HIRIP3: variants seen among roughly 807,000 people sequenced by gnomAD.
HIRIP3 encodes HIRA-interacting protein 3.
A neutral mutation model predicts 50.3 loss-of-function variants in HIRIP3; 40 were observed. The ratio of observed to expected loss-of-function variants is 0.79; its 90% CI spans 0.62 to 1.03. HIRIP3 has a LOEUF of 1.03. Ranked by LOEUF, HIRIP3 falls within the 50% of genes least tolerant of loss-of-function variation. HIRIP3 has a pLI of 0.00. For synonymous variants in HIRIP3, 318 were observed against 261.6 expected, an observed-to-expected ratio of 1.22 and a Z score of -2.08; for missense variants, 765 against 705.4, an observed-to-expected ratio of 1.08 and a Z score of -0.96.
intron 3 of HIRIP3, 54 bp from the exon 4 acceptor site, chr16:29,994,897 C>T (rs780013742): frequency 6.5e-7 from 1 of 1,538,220 alleles, no homozygotes; most frequent in Non-Finnish European, 8.7e-7. Flanking sequence ...TCCCTTCTCC[C>T]TTCACTTCGG....
At position 29,993,218 on chromosome 16, in the gene HIRIP3, C is replaced by G; in HGVS notation, c.1660G>C (p.Glu554Gln). The G allele has an allele frequency of 6.3e-7, 1 of 1,592,610 alleles. No homozygotes were observed. The highest frequency in any genetic ancestry group is 8.6e-7 in the Non-Finnish European group (1 of 1,168,830). Residue 554 changes from glutamate to glutamine, a missense_variant, in exon 7 of 7, where the codon GAG becomes CAG. Physicochemically the swap from Glu to Gln is conservative, Grantham distance 29 (BLOSUM62 2). Transcript: ENST00000279392. ...GGGGGTGGCAGAGCTCAGTTACTCT[C>G]GCCATCACTGCTGATGATGCCACGC... is the stretch of plus-strand genomic sequence containing the variant. ...HMRGIISSDGESN is the reference protein window; with the variant it reads ...HMRGIISSDGQSN
chr16:29,992,456 T>G lies in HIRIP3; in HGVS notation c.*751A>C, dbSNP rs2069995245. ...CAACCCCTTGACCTCTAATTCGTTTTCTTTGCTTTGACTTCAAAGATTCTT... is the reference window on the plus strand; with the variant it reads ...CAACCCCTTGACCTCTAATTCGTTTGCTTTGCTTTGACTTCAAAGATTCTT... On this transcript the variant is annotated 3_prime_UTR_variant, in exon 7 of 7. Transcript: ENST00000279392. 6.6e-6 allele frequency: 1 copy of G among 152,228 alleles called. No homozygotes were observed. Among genetic ancestry groups the G allele is most frequent in the Non-Finnish European group, 1.5e-5 (1 of 68,034 alleles). 9.4% of individuals were successfully genotyped at this position (152,228 alleles called of 1,614,324 possible).
intron 4 of HIRIP3, 32 bp downstream of exon 4, chr16:29,993,874 A>C (rs1217948242): frequency 1.3e-6 from 2 of 1,597,250 alleles, no homozygotes; most frequent in African/African-American, 2.7e-5. Flanking sequence ...CCTCTTCCCT[A>C]ATAGTGGCCT....
Position 29,994,405 on chromosome 16 carries a change from TCTTCCTCCTCCA to T in HIRIP3, c.728_739del (p.Val243_Glu246del), listed in dbSNP as rs2070038445. 14 of 1,614,044 alleles carry T rather than the reference TCTTCCTCCTCCA, an allele frequency of 8.7e-6. 1 individual carries two copies. Among genetic ancestry groups the T allele is most frequent in the South Asian group, 6.6e-5 (6 of 91,084 alleles). ...CCCCTTTTCCTCATCCTCTTCTTTC[TCTTCCTCCTCCA>T]CTTCCTCCTCTCTCTGCTCTTTCTT... On this transcript the variant is annotated inframe_deletion, in exon 4 of 7. Coordinates refer to ENST00000279392, the MANE Select transcript of HIRIP3 (RefSeq NM_003609.5).
rs2070038706 is a variant in HIRIP3, at chr16:29,994,414, T to A, written c.731A>T (p.Glu244Val). Residue 244 changes from glutamate to valine, a missense_variant, in exon 4 of 7, where the codon GAG becomes GTG. Coordinates refer to ENST00000279392, the MANE Select transcript of HIRIP3 (RefSeq NM_003609.5). ...QKKEQREEEV[E>V]EEEKEEDEEK... is the part of the protein sequence containing the mutation. ...CTCATCCTCTTCTTTCTCTTCCTCC[T>A]CCACTTCCTCCTCTCTCTGCTCTTT... is the stretch of plus-strand genomic sequence containing the variant. The A allele has an allele frequency of 6.2e-7, 1 of 1,613,732 alleles. No individual in the cohort carries two copies. The highest frequency in any genetic ancestry group is 1.3e-5 in the African/African-American group (1 of 74,840).
At position 29,995,558 on chromosome 16, in the gene HIRIP3, T is replaced by A. The variant is rs1277140867; in HGVS notation, c.48A>T (p.Arg16=). Reference sequence around the variant, plus strand: ...CTGGGCACCTGAGGTCCGGGCGGCCTCGGAAGAAGCTACGGGTGAACTCCT... The same window carrying A: ...CTGGGCACCTGAGGTCCGGGCGGCCACGGAAGAAGCTACGGGTGAACTCCT... ...EMQEFTRSFF[R]GRPDLSTLTH... is the part of the protein sequence containing the mutation. Residue 16 remains arginine, a synonymous_variant, in exon 1 of 7, where the codon CGA becomes CGT. Coordinates refer to ENST00000279392, the MANE Select transcript of HIRIP3 (RefSeq NM_003609.5). 21 of 1,612,726 alleles carry A rather than the reference T, an allele frequency of 1.3e-5. No individual in the cohort carries two copies. The Admixed American group carries it at 3.3e-4, about 26-fold the overall frequency.
Position 29,994,006 on chromosome 16 carries a change from C to T in HIRIP3, c.1139G>A (p.Gly380Glu), listed in dbSNP as rs753207374. ...CTTGGAAGAGCGGTTCTTCCTCTCCCCCTGGGGGCCTCCCCCTGCCTCGCT... is the reference window on the plus strand; with the variant it reads ...CTTGGAAGAGCGGTTCTTCCTCTCCTCCTGGGGGCCTCCCCCTGCCTCGCT... ...SDSEAGGGPQ[G>E]ERKNRSSKKS... The change falls in exon 4 of 7, where the codon GGG becomes GAG. Residue 380 changes from glycine (G) to glutamate (E), a missense_variant. Physicochemically the swap from Gly to Glu is moderately conservative, Grantham distance 98. Transcript: ENST00000279392. 5.4e-5 allele frequency: 86 copies of T among 1,599,010 alleles called. No homozygotes were observed. The highest frequency in any genetic ancestry group is 6.8e-6 in the Non-Finnish European group (8 of 1,172,374).
At chr16:29,996,028 G>A (rs1410064047), upstream of HIRIP3, 2 of 585,128 alleles carry the variant, frequency 3.4e-6, no homozygotes, top group Non-Finnish European at 6.1e-6. Flanking sequence ...AAGTGTCTAA[G>A]TACATTAGAG....
upstream of HIRIP3, chr16:29,995,879 A>C (rs77199037): frequency 2.2e-4 from 127 of 583,562 alleles, 1 homozygote; most frequent in African/African-American, 2.3e-3. Flanking sequence ...CCTTTGGGTG[A>C]AACCTAATCA....
upstream of HIRIP3, chr16:29,995,739 C>T (rs926312102): frequency 3.6e-6 from 4 of 1,119,114 alleles, no homozygotes; most frequent in African/African-American, 3.1e-5. Flanking sequence ...GGCCGCGGAC[C>T]GCGTGGGCCG....
rs766721352 is a variant in HIRIP3 at position 29,995,156 on chromosome 16, G to A, written c.248C>T (p.Pro83Leu). 1 of 1,614,244 alleles carries A rather than the reference G, an allele frequency of 6.2e-7. No individual in the cohort carries two copies. The highest frequency in any genetic ancestry group is 1.3e-5 in the African/African-American group (1 of 75,056). ...TCTCTCCGGGTCGCTACAAGGGGTGGGAGGCCTCTTGCCCTTCTTGGTAAG... is the reference window on the plus strand; with the variant it reads ...TCTCTCCGGGTCGCTACAAGGGGTGAGAGGCCTCTTGCCCTTCTTGGTAAG... ...LDLTKKGKRP[P>L]TPCSDPERKR... Residue 83 changes from proline (P) to leucine (L), a missense_variant, in exon 3 of 7, where the codon CCC becomes CTC. Pro to Leu is a moderately conservative substitution (Grantham distance 98). Transcript: ENST00000279392.
At position 29,994,784 on chromosome 16, in the gene HIRIP3, C is replaced by T. The variant is rs2070050389; in HGVS notation, c.361G>A (p.Ala121Thr). ...YFGPPAKNGV[A>T]AEVSPAKEEN... Reference sequence around the variant, plus strand: ...TCTTTGGCTGGGCTGACTTCTGCTGCCACCCCATTCTTTGCTGGGGGTCCA... The same window carrying T: ...TCTTTGGCTGGGCTGACTTCTGCTGTCACCCCATTCTTTGCTGGGGGTCCA... The change falls in exon 4 of 7, where the codon GCA becomes ACA. Residue 121 changes from alanine to threonine, a missense_variant. Transcript: ENST00000279392. 5 of 1,613,974 alleles carry T rather than the reference C, an allele frequency of 3.1e-6. No individual in the cohort carries two copies. The highest frequency in any genetic ancestry group is 4.2e-6 in the Non-Finnish European group (5 of 1,179,996).
At chr16:29,996,024 C>T, upstream of HIRIP3, 1 of 583,106 alleles carries the variant, frequency 1.7e-6, no homozygotes, top group Non-Finnish European at 3.1e-6. Flanking sequence ...CTTCAAGTGT[C>T]TAAGTACATT....
rs760235629 is a variant in HIRIP3, at chr16:29,993,696, G to A, written c.1352C>T (p.Ser451Leu). The A allele has an allele frequency of 1.2e-6, 2 of 1,610,114 alleles. No individual in the cohort carries two copies. Among genetic ancestry groups the A allele is most frequent in the Admixed American group, 1.7e-5 (1 of 60,026 alleles). The change falls in exon 5 of 7, where the codon TCA (serine) becomes TTA (leucine). Residue 451 changes from serine (S) to leucine (L), a missense_variant. Coordinates refer to ENST00000279392, the MANE Select transcript of HIRIP3 (RefSeq NM_003609.5). The part of the protein sequence containing the change: ...NYKKLLGSCC[S>L]HKERLSILRA... Reference sequence around the variant, plus strand: ...GAGGATACTCAGGCGCTCCTTGTGTGAGCAACAGGAGCCCAACAGCTTCTT... The same window carrying A: ...GAGGATACTCAGGCGCTCCTTGTGTAAGCAACAGGAGCCCAACAGCTTCTT...
chr16:29,993,478 C>A lies in HIRIP3; in HGVS notation c.1488G>T (p.Ala496=). The change falls in exon 6 of 7, where the codon GCG becomes GCT. Residue 496 remains alanine (A), a synonymous_variant. Coordinates refer to ENST00000279392, the MANE Select transcript of HIRIP3 (RefSeq NM_003609.5). ...CCTTACCCGAGCCACTGATGATGTT[C>A]GCAACATCCAAGGAGGCCACCTCAG... ...EAAEVASLDV[A]NIISGSGRPR... 1 of 1,613,440 alleles carries A rather than the reference C, an allele frequency of 6.2e-7. No homozygotes were observed. The highest frequency in any genetic ancestry group is 8.5e-7 in the Non-Finnish European group (1 of 1,179,502).
In HIRIP3 at chr16:29,995,347, A is replaced by C; in HGVS notation, c.182T>G (p.Met61Arg). ...CCAGGCTCCGGCCCGGCACACCTGC[A>C]TCTTCAGCAGCTCCTCCTCCACCAG... ...KRLVEEELLK[M>R]QVDEAASRED... Residue 61 changes from methionine (M) to arginine (R), a missense_variant, in exon 2 of 7, where the codon ATG (methionine) becomes AGG (arginine). Coordinates refer to ENST00000279392, the MANE Select transcript of HIRIP3 (RefSeq NM_003609.5). 1 of 1,610,940 alleles carries C rather than the reference A, an allele frequency of 6.2e-7. No homozygotes were observed. Among genetic ancestry groups the C allele is most frequent in the Non-Finnish European group, 8.5e-7 (1 of 1,178,738 alleles).
chr16:29,995,062 A>T lies in HIRIP3; in HGVS notation c.301+41T>A, dbSNP rs2070057193. ...GCAGTGAATGCTTCTTGAGTGAACC[A>T]ACGATGCAGAAGGCCCCCACAGCAG... On this transcript the variant is annotated intron_variant, in intron 3 of 6. Coordinates refer to ENST00000279392, the MANE Select transcript of HIRIP3 (RefSeq NM_003609.5). The T allele has an allele frequency of 1.9e-6, 3 of 1,587,278 alleles. No homozygotes were observed. The East Asian group carries it at 6.7e-5, about 35-fold the overall frequency.
Position 29,994,145 on chromosome 16 carries a change from C to T in HIRIP3, c.1000G>A (p.Glu334Lys), listed in dbSNP as rs35070098. The part of the protein sequence containing the change: ...KGGKRLSGSS[E>K]DEEDSGKGEP... ...CCCTTCCCACTGTCTTCCTCGTCCT[C>T]GCTGCTTCCACTCAACCTCTTCCCA... The change falls in exon 4 of 7, where the codon GAG (glutamate) becomes AAG (lysine). Residue 334 changes from glutamate (E) to lysine (K), a missense_variant. By Grantham distance (56) the Glu-to-Lys change is moderately conservative (BLOSUM62 1). Transcript: ENST00000279392. The T allele has an allele frequency of 9.6e-4, 1,549 of 1,614,154 alleles. 11 individuals carry two copies. The African/African-American group carries it at 0.017, about 18-fold the overall frequency.
At chr16:29,993,418 C>G in intron 6 of HIRIP3, 41 bp downstream of exon 6, 2 of 1,589,974 alleles carry the variant, frequency 1.3e-6, no homozygotes, top group South Asian at 1.1e-5. Flanking sequence ...AAGGTCCAAC[C>G]CCACCTATCT....
Sources: gnomAD v4.1 joint callset for allele counts on GRCh38, gnomAD v4.1.1 for gene constraint, MANE v1.5 for transcripts, NCBI Gene and HGNC (gene_info 2026-07-23, HGNC 2026-07-21) for gene names.